The following HMCN1 variants were observed in gnomAD, a reference collection of about 807,000 sequenced individuals.
HMCN1 encodes hemicentin 1.
Under a neutral mutation model 625.9 loss-of-function variants are expected in HMCN1, and 321 were observed. That is an observed-to-expected ratio of 0.51 (90% CI 0.47 to 0.56). The LOEUF (loss-of-function observed/expected upper bound fraction) is 0.56, where lower values mean the gene tolerates loss of function less well. Ranked by LOEUF, HMCN1 falls within the 20% of genes least tolerant of loss-of-function variation. The pLI is 0.00. For missense variants in HMCN1, 6,588 were observed against 6,887.3 expected, an observed-to-expected ratio of 0.96 and a Z score of 1.54; for synonymous variants, 2,425 against 2,417.6, an observed-to-expected ratio of 1.00 and a Z score of -0.09.
intron 4 of HMCN1, among the ~76,000 whole-genome samples, chr1:185,899,925 A>G (rs998608934): frequency 8.6e-5 from 13 of 152,008 alleles, no homozygotes; most frequent in Non-Finnish European, 1.3e-4. Context: ...CTCATTCTTG[A>G]GTTGTTAATA....
chr1:186,120,031 C>T lies in HMCN1; in HGVS notation c.12115C>T (p.Pro4039Ser). Residue 4039 changes from proline to serine, a missense_variant, in exon 80 of 107, where the codon CCT becomes TCT. Physicochemically the swap from Pro to Ser is moderately conservative, Grantham distance 74. Coordinates refer to ENST00000271588, the MANE Select transcript of HMCN1 (RefSeq NM_031935.3). ...TGTAGGCAGAAACCATGCAGTTCTT[C>T]CTAGTGGCGGCTTACAGATCTCCAG... The part of the protein sequence containing the change: ...NTSGRNHAVL[P>S]SGGLQISRAV... 1 of 1,614,014 alleles carries T rather than the reference C, an allele frequency of 6.2e-7. No individual in the cohort carries two copies.
rs145519359 is a variant in HMCN1 at position 185,885,932 on chromosome 1, AT to A, written c.621+20072del. ...TGGCATGTATATGATACCAAATTTA[AT>A]TTAAAAGTAGTCTCTTTACAATTTT... On this transcript the variant is annotated intron_variant, in intron 4 of 106. Transcript: ENST00000271588. Among the ~76,000 whole-genome samples the A allele has an allele frequency of 7.6e-3, 1,154 of 152,186 alleles. 14 individuals are homozygous for A. Among genetic ancestry groups the A allele is most frequent in the African/African-American group, 0.025 (1,037 of 41,536 alleles).
intron 4 of HMCN1, among the ~76,000 whole-genome samples, chr1:185,877,996 T>C (rs1347165481): frequency 6.6e-6 from 1 of 152,166 alleles, no homozygotes; most frequent in African/African-American, 2.4e-5. Flanking sequence ...AGTATTTGTT[T>C]TTCTGTTGAA....
intron 24 of HMCN1, among the ~76,000 whole-genome samples, chr1:185,995,825 G>A (rs999389669): frequency 6.6e-6 from 1 of 152,030 alleles, no homozygotes; most frequent in South Asian, 2.1e-4. Flanking sequence ...GAAAATCAGG[G>A]GGAAGAGCAT....
chr1:185,982,671 C>A (rs2102004634), intron 18 of HMCN1, among the ~76,000 whole-genome samples: 1 of 152,052 alleles, frequency 6.6e-6, no homozygotes, highest in South Asian at 2.1e-4. Context: ...AAACTCCTGA[C>A]CTCAAGTGAT....
chr1:185,841,968 G>T (rs1661503796), intron 1 of HMCN1, among the ~76,000 whole-genome samples: 1 of 152,150 alleles, frequency 6.6e-6, no homozygotes, highest in African/African-American at 2.4e-5. Context: ...AACTTAAAAA[G>T]AAATCAGTAT....
At chr1:186,104,352 G>C (rs914725421) in intron 69 of HMCN1, among the ~76,000 whole-genome samples, 2 of 152,120 alleles carry the variant, frequency 1.3e-5, no homozygotes, top group African/African-American at 4.8e-5. Flanking sequence ...GCTTAGACTG[G>C]TGCCACAGGC....
chr1:186,000,134 T>C lies in HMCN1; in HGVS notation c.3964T>C (p.Leu1322=). The C allele has an allele frequency of 6.2e-7, 1 of 1,613,086 alleles. No individual in the cohort carries two copies. Among genetic ancestry groups the C allele is most frequent in the Non-Finnish European group, 8.5e-7 (1 of 1,179,300 alleles). The change falls in exon 26 of 107, where the codon TTG becomes CTG. Residue 1322 remains leucine (L), a synonymous_variant. Coordinates refer to ENST00000271588, the MANE Select transcript of HMCN1 (RefSeq NM_031935.3). ...PGISILEDGT[L]LVIASVTPYD... ...CATTTCTATCTTGGAAGATGGCACA[T>C]TGCTGGTTATTGCTTCTGTTACACC...
intron 25 of HMCN1, 119 bp from the exon 26 acceptor site, chr1:185,999,926 A>G: frequency 1.5e-6 from 1 of 675,132 alleles, no homozygotes; most frequent in Non-Finnish European, 2.5e-6. Flanking sequence ...AAGGTAGCAT[A>G]GGACCTAAGG....
At chr1:185,818,075 T>G (rs990110815) in intron 1 of HMCN1, among the ~76,000 whole-genome samples, 4 of 152,192 alleles carry the variant, frequency 2.6e-5, no homozygotes, top group Non-Finnish European at 5.9e-5. Flanking sequence ...CCAGAAGCCT[T>G]CCTTAGATTT....
At chr1:186,186,994 T>TCACACACACA (rs371455899) in intron 105 of HMCN1, among the ~76,000 whole-genome samples, 10,041 of 134,284 alleles carry the variant, frequency 0.075, 435 homozygotes, top group Middle Eastern at 0.14. Flanking sequence ...TGTCTCTGTC[T>TCACACACACA]CACACACACA....
chr1:185,781,140 G>C (rs1657063689), intron 1 of HMCN1, among the ~76,000 whole-genome samples: 1 of 152,184 alleles, frequency 6.6e-6, no homozygotes, highest in African/African-American at 2.4e-5. Flanking sequence ...TTGCATAGAG[G>C]TGTTTATAGT....
At chr1:186,124,626 T>A (rs1176457572) in intron 81 of HMCN1, among the ~76,000 whole-genome samples, 1 of 152,124 alleles carries the variant, frequency 6.6e-6, no homozygotes, top group Admixed American at 6.6e-5. Flanking sequence ...ATAATGTTTG[T>A]ATATTTAATC....
intron 49 of HMCN1, among the ~76,000 whole-genome samples, chr1:186,066,557 A>G (rs143387184): frequency 1.0e-3 from 152 of 152,018 alleles, no homozygotes; most frequent in African/African-American, 3.6e-3. Context: ...TGTCTCCACC[A>G]CTTCATATTT....
At chr1:186,012,201 A>C (rs1654045032) in intron 30 of HMCN1, among the ~76,000 whole-genome samples, 1 of 152,046 alleles carries the variant, frequency 6.6e-6, no homozygotes, top group South Asian at 2.1e-4. Context: ...TTACATTGTA[A>C]TAAGCTTTGT....
At chr1:186,121,237 C>T (rs1380237605) in intron 80 of HMCN1, among the ~76,000 whole-genome samples, 1 of 152,106 alleles carries the variant, frequency 6.6e-6, no homozygotes, top group Non-Finnish European at 1.5e-5. Flanking sequence ...GCATGGATGG[C>T]ATGATGTACC....
At chr1:186,136,641 T>G (rs1367096980) in intron 86 of HMCN1, 27 bp from the exon 87 acceptor site, 10 of 1,612,314 alleles carry the variant, frequency 6.2e-6, no homozygotes, top group Non-Finnish European at 8.5e-6. Flanking sequence ...CCACAAAAAC[T>G]GAGACACTAT....
chr1:186,119,225 T>C lies in HMCN1; in HGVS notation c.11883T>C (p.His3961=). The C allele has an allele frequency of 6.2e-7, 1 of 1,613,962 alleles. No homozygotes were observed. Among genetic ancestry groups the C allele is most frequent in the Non-Finnish European group, 8.5e-7 (1 of 1,179,860 alleles). The change falls in exon 78 of 107, where the codon CAT becomes CAC. Residue 3961 remains histidine (H), a synonymous_variant. Coordinates refer to ENST00000271588, the MANE Select transcript of HMCN1 (RefSeq NM_031935.3). ...AIEILATQLN[H]AGRYTCVARN... ...AAATACTTGCCACCCAATTAAACCA[T>C]GCTGGAAGATACACTTGTGTCGCTA...
At chr1:186,005,272 T>A (rs1259528086) in intron 29 of HMCN1, among the ~76,000 whole-genome samples, 1 of 144,184 alleles carries the variant, frequency 6.9e-6, no homozygotes, top group Non-Finnish European at 1.5e-5. Context: ...TAATTGTTTA[T>A]AAATGTTTAT....
Sources: gnomAD v4.1 joint callset for allele counts (sites outside exome capture counted in the v4.1 genomes callset) on GRCh38, gnomAD v4.1.1 for gene constraint, MANE v1.5 for transcripts, NCBI Gene and HGNC (gene_info 2026-07-23, HGNC 2026-07-21) for gene names.